ZBBX: variants seen among roughly 807,000 people sequenced by gnomAD.
The protein encoded by ZBBX is zinc finger B-box domain-containing protein 1.
A neutral mutation model predicts 108.5 loss-of-function variants in ZBBX; 101 were observed. The ratio of observed to expected loss-of-function variants is 0.93; its 90% CI spans 0.79 to 1.10. ZBBX has a LOEUF of 1.10. Among genes scored for constraint, ZBBX ranks in the 50% least tolerant of loss-of-function variants. The pLI, the probability that ZBBX is intolerant of heterozygous loss-of-function variation, is 0.00. For synonymous variants in ZBBX, 356 were observed against 323.4 expected (o/e 1.10, Z -1.08); for missense variants, 1,009 against 941.4 (o/e 1.07, Z -0.94).
chr3:167,214,380 A>T, the ZBBX span, among the ~76,000 whole-genome samples: 1 of 152,172 alleles, frequency 6.6e-6, no homozygotes, highest in African/African-American at 2.4e-5. Flanking sequence ...AAACCAGCAA[A>T]GATAAAAAAA....
chr3:167,244,950 A>G (rs1480121654), intron 20 of ZBBX, among the ~76,000 whole-genome samples: 1 of 152,212 alleles, frequency 6.6e-6, no homozygotes, highest in African/African-American at 2.4e-5. Flanking sequence ...ACATACATAA[A>G]ACTATATTCC....
chr3:167,282,159 GT>G, intron 20 of ZBBX, 78 bp downstream of exon 20: 1 of 1,411,014 alleles, frequency 7.1e-7, no homozygotes, highest in Non-Finnish European at 9.5e-7. Flanking sequence ...GGCTTGTTTT[GT>G]TAGCGCAAGA....
intron 20 of ZBBX, among the ~76,000 whole-genome samples, chr3:167,254,798 C>A (rs1723186372): frequency 6.6e-6 from 1 of 151,784 alleles, no homozygotes; most frequent in Non-Finnish European, 1.5e-5. Flanking sequence ...AAAACAAAAT[C>A]CTGGACCAGT....
In ZBBX at chr3:167,317,009, T is replaced by C. The variant is rs1347430873; in HGVS notation, c.1190A>G (p.Asp397Gly). 2 of 1,586,944 alleles carry C rather than the reference T, an allele frequency of 1.3e-6. No homozygotes were observed. The highest frequency in any genetic ancestry group is 1.7e-6 in the Non-Finnish European group (2 of 1,159,738). The change falls in exon 14 of 22, where the codon GAT becomes GGT. Residue 397 changes from aspartate (D) to glycine (G), a missense_variant. Physicochemically the swap from Asp to Gly is moderately conservative, Grantham distance 94. Transcript: ENST00000675490. ...ATTATGCACTTATGCACTTACATCA[T>C]CCAGTTCGACTATCTTTAGAGATGG... ...PEPSLKIVEL[D>G]DTYEEEFEEA...
chr3:167,282,162 A>G (rs1296614612), intron 20 of ZBBX, 76 bp downstream of exon 20: 4 of 1,407,276 alleles, frequency 2.8e-6, no homozygotes, highest in African/African-American at 2.9e-5. Flanking sequence ...TTGTTTTGTT[A>G]GCGCAAGATA....
intron 20 of ZBBX, among the ~76,000 whole-genome samples, chr3:167,259,446 T>C (rs1192708482): frequency 6.6e-6 from 1 of 152,192 alleles, no homozygotes. Context: ...TTATCTTTTG[T>C]ATTTTGTTCA....
chr3:167,203,342 C>A, the ZBBX span, among the ~76,000 whole-genome samples: 1,533 of 152,148 alleles, frequency 0.01, 28 homozygotes, highest in African/African-American at 0.035. Flanking sequence ...ATCTTATCAC[C>A]CCTTTAAAGA....
the ZBBX span, among the ~76,000 whole-genome samples, chr3:167,213,562 A>G: frequency 2.0e-5 from 3 of 152,212 alleles, no homozygotes; most frequent in Non-Finnish European, 4.4e-5. Context: ...GACCATATCT[A>G]TGAATCACTG....
At chr3:167,294,619 C>G (rs978603539) in intron 18 of ZBBX, among the ~76,000 whole-genome samples, 2 of 152,150 alleles carry the variant, frequency 1.3e-5, no homozygotes, top group African/African-American at 4.8e-5. Context: ...CAATACCATT[C>G]AGGACATAGG....
chr3:167,266,709 G>C (rs1188379375), intron 20 of ZBBX, among the ~76,000 whole-genome samples: 1 of 152,212 alleles, frequency 6.6e-6, no homozygotes, highest in African/African-American at 2.4e-5. Flanking sequence ...CTTGATTGAC[G>C]TGAGTGGCAC....
intron 1 of ZBBX, among the ~76,000 whole-genome samples, chr3:167,393,908 T>C (rs1413086152): frequency 6.6e-6 from 1 of 151,906 alleles, no homozygotes; most frequent in African/African-American, 2.4e-5. Context: ...AAAATGTTTC[T>C]TGTAAAATTA....
the ZBBX span, among the ~76,000 whole-genome samples, chr3:167,197,291 C>G: frequency 6.6e-6 from 1 of 150,964 alleles, no homozygotes; most frequent in Non-Finnish European, 1.5e-5. Flanking sequence ...GCAATCCCAG[C>G]ACTTTGGGAG....
intron 9 of ZBBX, among the ~76,000 whole-genome samples, chr3:167,339,144 G>A (rs1046842897): frequency 2.6e-5 from 4 of 151,890 alleles, no homozygotes; most frequent in South Asian, 4.1e-4. Flanking sequence ...TTTTCCCAAC[G>A]TGTTATTGTT....
chr3:167,296,508 G>A (rs1731715607), intron 18 of ZBBX, among the ~76,000 whole-genome samples: 1 of 151,912 alleles, frequency 6.6e-6, no homozygotes, highest in Non-Finnish European at 1.5e-5. Context: ...AAATATGTTA[G>A]AATAAATGAA....
chr3:167,396,894 T>C (rs141601006), intron 1 of ZBBX, among the ~76,000 whole-genome samples: 3,269 of 151,882 alleles, frequency 0.022, 62 homozygotes, highest in Middle Eastern at 0.061. Flanking sequence ...AATGCTGCTA[T>C]GTTTTTCCTT....
At chr3:167,404,028 A>G (rs1266744299) in intron 1 of ZBBX, among the ~76,000 whole-genome samples, 1 of 152,156 alleles carries the variant, frequency 6.6e-6, no homozygotes, top group Non-Finnish European at 1.5e-5. Context: ...AGGCGAAAAA[A>G]GTCAGCATAC....
intron 20 of ZBBX, among the ~76,000 whole-genome samples, chr3:167,273,387 C>T (rs1219646531): frequency 1.3e-5 from 2 of 152,272 alleles, no homozygotes; most frequent in Admixed American, 6.5e-5. Flanking sequence ...TGCATGGTAG[C>T]TCTTTTCTAA....
chr3:167,244,209 T>C (rs147781404), intron 20 of ZBBX, among the ~76,000 whole-genome samples: 1 of 152,294 alleles, frequency 6.6e-6, no homozygotes, highest in East Asian at 1.9e-4. Flanking sequence ...ACCAATATTG[T>C]AAATCACTCT....
At chr3:167,195,273 T>C in the ZBBX span, among the ~76,000 whole-genome samples, 1 of 152,122 alleles carries the variant, frequency 6.6e-6, no homozygotes, top group Admixed American at 6.5e-5. Flanking sequence ...TCTCTGATGG[T>C]TTTTTTCTCA....
Sources: gnomAD v4.1 joint callset for allele counts (sites outside exome capture counted in the v4.1 genomes callset) on GRCh38, gnomAD v4.1.1 for gene constraint, MANE v1.5 for transcripts, NCBI Gene and HGNC (gene_info 2026-07-23, HGNC 2026-07-21) for gene names.